Variants in PALM3 observed in about 807,000 individuals in gnomAD.
PALM3 encodes the protein paralemmin 3, also known as paralemmin-3.
In PALM3, 20 loss-of-function variants were observed where a neutral mutation model predicts 27.9. That is an observed-to-expected ratio of 0.72 (90% CI 0.50 to 1.04). The LOEUF (loss-of-function observed/expected upper bound fraction) is 1.04. Ranked by LOEUF, PALM3 falls within the 50% of genes least tolerant of loss-of-function variation. PALM3 has a pLI of 0.00. For missense variants in PALM3, 814 were observed against 869.4 expected, an observed-to-expected ratio of 0.94 and a Z score of 0.80; for synonymous variants, 328 against 352.7, an observed-to-expected ratio of 0.93 and a Z score of 0.79.
chr19:14,057,531 G>T, intron 2 of PALM3, 100 bp from the exon 3 acceptor site: 3 of 985,212 alleles, frequency 3.0e-6, no homozygotes, highest in Non-Finnish European at 4.2e-6. Flanking sequence ...GCTCACCGGA[G>T]CTCCCGGGGC....
At chr19:14,055,747 A>T (rs963846505) in intron 5 of PALM3, among the ~76,000 whole-genome samples, 2 of 152,158 alleles carry the variant, frequency 1.3e-5, no homozygotes, top group Non-Finnish European at 2.9e-5. Context: ...AATCAACATA[A>T]ATACAAATTA....
In PALM3 at chr19:14,054,046, C is replaced by G. The variant is rs1269878129; in HGVS notation, c.1626G>C (p.Glu542Asp). 1.3e-6 allele frequency: 2 copies of G among 1,551,770 alleles called. No homozygotes were observed. The highest frequency in any genetic ancestry group is 1.7e-6 in the Non-Finnish European group (2 of 1,146,980). The change falls in exon 7 of 7, where the codon GAG (glutamate) becomes GAC (aspartate). Residue 542 changes from glutamate (E) to aspartate (D), a missense_variant. By Grantham distance (45) the Glu-to-Asp change is conservative. Coordinates refer to ENST00000669674, the MANE Select transcript of PALM3 (RefSeq NM_001145028.2). ...AEKRGGEESL[E>D]TEKTQGTEGD... Reference sequence around the variant, plus strand: ...CCTCCGTCCCTTGGGTCTTCTCTGTCTCCAATGATTCCTCACCTCCCCTTT... The same window carrying G: ...CCTCCGTCCCTTGGGTCTTCTCTGTGTCCAATGATTCCTCACCTCCCCTTT...
At chr19:14,061,905 TG>T in intron 1 of PALM3, 34 bp downstream of exon 1, 1 of 973,970 alleles carries the variant, frequency 1.0e-6, no homozygotes, top group Non-Finnish European at 1.2e-6. Context: ...CCCAAGGCCC[TG>T]CCCACCAGCC....
Position 14,059,248 on chromosome 19 carries a change from G to T in PALM3, c.42-85C>A. 3.1e-6 allele frequency: 4 copies of T among 1,276,914 alleles called. No individual in the cohort carries two copies. The South Asian group carries it at 5.1e-5, about 16-fold the overall frequency. The allele number at this position is 1,276,914 out of a possible 1,614,324, so 79.1% of individuals were successfully genotyped here. On this transcript the variant is annotated intron_variant, in intron 1 of 6. Transcript: ENST00000669674. Reference sequence around the variant, plus strand: ...AAGATCCCTGAGCAGTATGGAAATTGCCCCGAGCCCAGCACTTTGCCTCTG... The same window carrying T: ...AAGATCCCTGAGCAGTATGGAAATTTCCCCGAGCCCAGCACTTTGCCTCTG...
Position 14,056,445 on chromosome 19 carries a change from G to C in PALM3, c.383C>G (p.Pro128Arg), listed in dbSNP as rs765792974. The change falls in exon 5 of 7, where the codon CCC becomes CGC. Residue 128 changes from proline to arginine, a missense_variant. Pro to Arg is a moderately radical substitution (Grantham distance 103). Transcript: ENST00000669674. Reference sequence around the variant, plus strand: ...CCCCCTCACCTGTCTGCGCCAGCTGGGCCTGCCTGAGGGCTTGTGCTGGGC... The same window carrying C: ...CCCCCTCACCTGTCTGCGCCAGCTGCGCCTGCCTGAGGGCTTGTGCTGGGC... Reference protein sequence around the residue: ...TGAQHKPSGRPSWRRQGHRPL... With the variant: ...TGAQHKPSGRRSWRRQGHRPL... 21 of 1,551,354 alleles carry C rather than the reference G, an allele frequency of 1.4e-5. No individual in the cohort carries two copies. The South Asian group carries it at 2.4e-4, about 18-fold the overall frequency.
chr19:14,053,460 G>A lies in PALM3; in HGVS notation c.*145C>T, dbSNP rs952862162. Reference sequence around the variant, plus strand: ...AGTGGGCAAGGGGTCTGGAAGCCCAGGTTTAGGTGGACGTGCAGGCTAGCT... The same window carrying A: ...AGTGGGCAAGGGGTCTGGAAGCCCAAGTTTAGGTGGACGTGCAGGCTAGCT... On this transcript the variant is annotated 3_prime_UTR_variant, in exon 7 of 7. Transcript: ENST00000669674. The A allele has an allele frequency of 1.1e-6, 1 of 947,400 alleles. No individual in the cohort carries two copies. The highest frequency in any genetic ancestry group is 1.7e-5 in the African/African-American group (1 of 59,756). 58.7% of individuals were successfully genotyped at this position (947,400 alleles called of 1,614,324 possible).
intron 1 of PALM3, 85 bp from the exon 2 acceptor site, chr19:14,059,248 G>A: frequency 7.8e-7 from 1 of 1,276,914 alleles, no homozygotes; most frequent in Non-Finnish European, 1.0e-6. Context: ...TATGGAAATT[G>A]CCCCGAGCCC....
At position 14,054,788 on chromosome 19, in the gene PALM3, C is replaced by G. The variant is rs775432753; in HGVS notation, c.884G>C (p.Gly295Ala). 1 of 1,550,842 alleles carries G rather than the reference C, an allele frequency of 6.4e-7. No homozygotes were observed. The highest frequency in any genetic ancestry group is 1.2e-5 in the South Asian group (1 of 83,874). Residue 295 changes from glycine to alanine, a missense_variant, in exon 7 of 7, where the codon GGG becomes GCG. Physicochemically the swap from Gly to Ala is moderately conservative, Grantham distance 60 (BLOSUM62 0). Transcript: ENST00000669674. ...DRGIVEVVWEGVGGSDAEAMG... is the reference protein window; with the variant it reads ...DRGIVEVVWEAVGGSDAEAMG... Reference sequence around the variant, plus strand: ...GGCCTCTGCATCACTGCCACCCACCCCCTCCCAGACCACCTCCACGATGCC... The same window carrying G: ...GGCCTCTGCATCACTGCCACCCACCGCCTCCCAGACCACCTCCACGATGCC...
At chr19:14,058,494 G>C (rs190696976) in intron 2 of PALM3, among the ~76,000 whole-genome samples, 1 of 151,672 alleles carries the variant, frequency 6.6e-6, no homozygotes, top group East Asian at 1.9e-4. Flanking sequence ...GAGGATGCTA[G>C]TGAGTAGTGA....
At chr19:14,059,029 G>C in intron 2 of PALM3, 86 bp downstream of exon 2, 1 of 1,269,088 alleles carries the variant, frequency 7.9e-7, no homozygotes, top group South Asian at 1.7e-5. Flanking sequence ...AGCTGAGGGC[G>C]CTCTCCGCAG....
At chr19:14,057,208 C>G (rs1407971127) in intron 3 of PALM3, 143 bp downstream of exon 3, 5 of 624,580 alleles carry the variant, frequency 8.0e-6, no homozygotes, top group Middle Eastern at 3.8e-4. Context: ...TACCCCGCCC[C>G]GGCCAAGCTG....
At chr19:14,055,832 C>T (rs374683425) in intron 5 of PALM3, among the ~76,000 whole-genome samples, 1 of 152,124 alleles carries the variant, frequency 6.6e-6, no homozygotes, top group African/African-American at 2.4e-5. Context: ...CTCACTGCAA[C>T]GTTCGCCTCC....
At chr19:14,057,907 AG>A (rs1286485172) in intron 2 of PALM3, among the ~76,000 whole-genome samples, 1 of 152,172 alleles carries the variant, frequency 6.6e-6, no homozygotes, top group South Asian at 2.1e-4. Context: ...CAGGAGTTCT[AG>A]CCTACCCTGG....
Position 14,057,342 on chromosome 19 carries a change from G to A in PALM3, c.171+9C>T. 1 of 1,519,130 alleles carries A rather than the reference G, an allele frequency of 6.6e-7. No homozygotes were observed. Among genetic ancestry groups the A allele is most frequent in the African/African-American group, 1.4e-5 (1 of 69,874 alleles). 94.1% of individuals were successfully genotyped at this position (1,519,130 alleles called of 1,614,324 possible). On this transcript the variant is annotated intron_variant, in intron 3 of 6. Transcript: ENST00000669674. ...CCAGGCTAGGCAGGCGCCCCCGCCC[G>A]CCCCCAACCTTGAGACGCTCCACGC...
At position 14,057,515 on chromosome 19, in the gene PALM3, C is replaced by T. The variant is rs915369888; in HGVS notation, c.91-84G>A. The T allele has an allele frequency of 2.7e-4, 318 of 1,177,212 alleles. 2 individuals are homozygous for T. In the East Asian group the frequency reaches 3.4e-3, roughly 13 times the overall value. The allele number at this position is 1,177,212 out of a possible 1,614,324, so 72.9% of individuals were successfully genotyped here. The stretch of plus-strand genomic sequence containing the variant: ...TTCCCTCCCTTTCCCCTCCCTCCTC[C>T]GCGGGGCTCACCGGAGCTCCCGGGG... On this transcript the variant is annotated intron_variant, in intron 2 of 6. Coordinates refer to ENST00000669674, the MANE Select transcript of PALM3 (RefSeq NM_001145028.2).
In PALM3 at chr19:14,056,523, A is replaced by G; in HGVS notation, c.315-10T>C. On this transcript the variant is annotated splice_polypyrimidine_tract_variant and intron_variant, in intron 4 of 6. Coordinates refer to ENST00000669674, the MANE Select transcript of PALM3 (RefSeq NM_001145028.2). ...CAGCTGGGACTGGAGTCTGAAGAAG[A>G]GAGAGGGCTGCTAGGAGCTGGGCCC... 3 of 1,550,704 alleles carry G rather than the reference A, an allele frequency of 1.9e-6. No homozygotes were observed. Among genetic ancestry groups the G allele is most frequent in the Non-Finnish European group, 2.6e-6 (3 of 1,146,358 alleles).
chr19:14,055,756 T>G (rs973713449), intron 5 of PALM3, among the ~76,000 whole-genome samples: 4 of 152,142 alleles, frequency 2.6e-5, no homozygotes, highest in Admixed American at 2.0e-4. Context: ...AAATACAAAT[T>G]AATTTTTTTT....
rs1402408319 is a variant in PALM3, at chr19:14,057,371, G to A, written c.151C>T (p.Leu51Phe). 19 of 1,545,102 alleles carry A rather than the reference G, an allele frequency of 1.2e-5. No individual in the cohort carries two copies. The highest frequency in any genetic ancestry group is 2.0e-5 in the Admixed American group (1 of 50,850). ...AARREVEEEK[L>F]RVERLKRKSL... ...CCAACCTTGAGACGCTCCACGCGGA[G>A]TTTCTCCTCCTCCACCTCCCGGCGC... The change falls in exon 3 of 7, where the codon CTC (leucine) becomes TTC (phenylalanine). Residue 51 changes from leucine to phenylalanine, a missense_variant. By Grantham distance (22) the Leu-to-Phe change is conservative (BLOSUM62 0). Coordinates refer to ENST00000669674, the MANE Select transcript of PALM3 (RefSeq NM_001145028.2).
Position 14,053,695 on chromosome 19 carries a change from AGGCGCGTAGGT to A in PALM3, c.1966_1976del (p.Thr656CysfsTer5). The A allele has an allele frequency of 6.7e-7, 1 of 1,492,640 alleles. No individual in the cohort carries two copies. The highest frequency in any genetic ancestry group is 8.9e-7 in the Non-Finnish European group (1 of 1,122,058). The allele number at this position is 1,492,640 out of a possible 1,614,324, so 92.5% of individuals were successfully genotyped here. A position where few individuals can be genotyped will look rare whatever the true frequency, so the allele number is the denominator to read the frequency against. Reference sequence around the variant, plus strand: ...GGGCAGATGGCTCAGGCTGCCGGGCAGGCGCGTAGGTGGGCACAGGGTGGGCACTGGGGTTG... The same window carrying A: ...GGGCAGATGGCTCAGGCTGCCGGGCAGGGCACAGGGTGGGCACTGGGGTTG... On this transcript the variant is annotated frameshift_variant, in exon 7 of 7. Coordinates refer to ENST00000669674, the MANE Select transcript of PALM3 (RefSeq NM_001145028.2). LOFTEE classifies it high-confidence loss of function.
Sources: allele counts gnomAD v4.1 joint callset (sites outside exome capture counted in the v4.1 genomes callset), GRCh38; gene constraint gnomAD v4.1.1; transcripts MANE v1.5; gene names NCBI Gene and HGNC (gene_info 2026-07-23, HGNC 2026-07-21).